Variants in CIMIP6 observed in about 807,000 individuals in gnomAD.
CIMIP6 encodes the protein ciliary microtubule inner protein 6, also known as uncharacterized protein C2orf73.
the CIMIP6 span, among the ~76,000 whole-genome samples, chr2:54,369,454 G>C: frequency 1.3e-5 from 2 of 152,144 alleles, no homozygotes; most frequent in Non-Finnish European, 2.9e-5. Context: ...AGAACAATTA[G>C]AGCAACTCTA....
the CIMIP6 span, among the ~76,000 whole-genome samples, chr2:54,342,440 A>G: frequency 6.6e-6 from 1 of 152,172 alleles, no homozygotes; most frequent in Non-Finnish European, 1.5e-5. Context: ...TAAATTATCA[A>G]TTTGTAAAAT....
At chr2:54,334,705 C>A in the CIMIP6 span, 3 of 757,904 alleles carry the variant, frequency 4.0e-6, no homozygotes, top group Middle Eastern at 4.0e-4. Flanking sequence ...ATTAATACAG[C>A]CTAAATTGTC....
chr2:54,344,801 T>A, the CIMIP6 span, among the ~76,000 whole-genome samples: 2 of 151,958 alleles, frequency 1.3e-5, no homozygotes, highest in Non-Finnish European at 2.9e-5. Context: ...CACGGAAGTA[T>A]CACACAGCAT....
chr2:54,342,781 A>G, the CIMIP6 span, among the ~76,000 whole-genome samples: 1 of 152,184 alleles, frequency 6.6e-6, no homozygotes, highest in South Asian at 2.1e-4. Flanking sequence ...TTGCTTCCTT[A>G]TAGCCCACGG....
chr2:54,331,931 C>A, the CIMIP6 span, among the ~76,000 whole-genome samples: 3 of 152,302 alleles, frequency 2.0e-5, no homozygotes, highest in South Asian at 6.2e-4. Flanking sequence ...TTCCTGGGAA[C>A]CAGCCCCAGA....
chr2:54,358,980 C>T, the CIMIP6 span: 1 of 1,545,198 alleles, frequency 6.5e-7, no homozygotes. Flanking sequence ...TCTCCTGGTA[C>T]ATCAGCAGAA....
the CIMIP6 span, among the ~76,000 whole-genome samples, chr2:54,367,202 G>A: frequency 1.3e-5 from 2 of 152,240 alleles, no homozygotes; most frequent in Admixed American, 6.5e-5. Context: ...AAGTTAGGAT[G>A]TAAGCAGAAA....
the CIMIP6 span, among the ~76,000 whole-genome samples, chr2:54,345,832 G>T: frequency 1.3e-5 from 2 of 152,142 alleles, no homozygotes; most frequent in African/African-American, 4.8e-5. Flanking sequence ...TTACAAAATT[G>T]CAAAACAGTC....
At chr2:54,373,823 C>G in the CIMIP6 span, among the ~76,000 whole-genome samples, 1 of 152,208 alleles carries the variant, frequency 6.6e-6, no homozygotes, top group African/African-American at 2.4e-5. Context: ...TTCTGTGCTG[C>G]TTCCAGCCCT....
At chr2:54,364,628 A>T in the CIMIP6 span, among the ~76,000 whole-genome samples, 3 of 152,224 alleles carry the variant, frequency 2.0e-5, no homozygotes, top group African/African-American at 4.8e-5. Context: ...CGGTCCATTA[A>T]TTCCCAGATG....
the CIMIP6 span, among the ~76,000 whole-genome samples, chr2:54,375,381 T>C: frequency 6.6e-6 from 1 of 152,114 alleles, no homozygotes; most frequent in Non-Finnish European, 1.5e-5. Flanking sequence ...AAATACAGAA[T>C]AAATACTGTC....
At chr2:54,360,627 G>A in the CIMIP6 span, 1 of 1,400,206 alleles carries the variant, frequency 7.1e-7, no homozygotes, top group Non-Finnish European at 9.4e-7. Context: ...CATCATCTTG[G>A]CCCTCACATT....
the CIMIP6 span, among the ~76,000 whole-genome samples, chr2:54,384,136 T>C: frequency 2.6e-5 from 4 of 152,384 alleles, no homozygotes; most frequent in East Asian, 7.7e-4. Flanking sequence ...CCTGGTGGTA[T>C]GTGCTTTGCC....
chr2:54,346,854 CT>C, the CIMIP6 span, among the ~76,000 whole-genome samples: 2 of 152,162 alleles, frequency 1.3e-5, no homozygotes, highest in Admixed American at 1.3e-4. Flanking sequence ...CCTTTAGATT[CT>C]CCAGTTACTT....
the CIMIP6 span, among the ~76,000 whole-genome samples, chr2:54,370,639 TG>T: frequency 6.6e-6 from 1 of 152,158 alleles, no homozygotes; most frequent in Non-Finnish European, 1.5e-5. Flanking sequence ...GTTTGAACTG[TG>T]GGAAAAGTTG....
the CIMIP6 span, among the ~76,000 whole-genome samples, chr2:54,370,943 A>G: frequency 6.6e-6 from 1 of 152,214 alleles, no homozygotes; most frequent in Admixed American, 6.5e-5. Context: ...AAGATTCCTT[A>G]GATGAATGGG....
At chr2:54,380,632 T>C in the CIMIP6 span, among the ~76,000 whole-genome samples, 1 of 152,240 alleles carries the variant, frequency 6.6e-6, no homozygotes, top group African/African-American at 2.4e-5. Context: ...CAGGGAGACC[T>C]TGTGCTGATA....
chr2:54,359,469 A>G, the CIMIP6 span, among the ~76,000 whole-genome samples: 2 of 152,202 alleles, frequency 1.3e-5, no homozygotes, highest in South Asian at 2.1e-4. Flanking sequence ...TTTGTGTAAA[A>G]TAATATCAAA....
chr2:54,346,102 C>G, the CIMIP6 span, among the ~76,000 whole-genome samples: 1 of 152,060 alleles, frequency 6.6e-6, no homozygotes, highest in East Asian at 1.9e-4. Flanking sequence ...CAACATTTGA[C>G]CCTTAAATGA....
Sources: gnomAD v4.1 joint callset for allele counts (sites outside exome capture counted in the v4.1 genomes callset) on GRCh38, gnomAD v4.1.1 for gene constraint, MANE v1.5 for transcripts, NCBI Gene and HGNC (gene_info 2026-07-23, HGNC 2026-07-21) for gene names.